Variants in UNC5B observed in about 807,000 individuals in gnomAD.
UNC5B encodes unc-5 netrin receptor B.
A neutral mutation model predicts 103.7 loss-of-function variants in UNC5B; 56 were observed. That is an observed-to-expected ratio of 0.54 (90% CI 0.44 to 0.67). The LOEUF is 0.67. UNC5B is among the 30% of genes least tolerant of loss of function. The pLI is 0.00. For synonymous variants in UNC5B, 577 were observed against 542.0 expected (o/e 1.06, Z -0.90); for missense variants, 1,194 against 1,284.5 (o/e 0.93, Z 1.08).
chr10:71,284,666 C>CCTCA, intron 2 of UNC5B, 54 bp from the exon 3 acceptor site: 3 of 1,606,632 alleles, frequency 1.9e-6, no homozygotes, highest in Non-Finnish European at 2.5e-6. Context: ...GTGTCCTGTG[C>CCTCA]CTCACATCCT....
chr10:71,287,500 G>A (rs1845119814), intron 5 of UNC5B, 98 bp from the exon 6 acceptor site: 2 of 1,448,860 alleles, frequency 1.4e-6, no homozygotes, highest in Non-Finnish European at 1.8e-6. Flanking sequence ...GGAAGGCCAG[G>A]CTTCAGCAGA....
intron 3 of UNC5B, 134 bp from the exon 4 acceptor site, chr10:71,285,192 T>C: frequency 1.0e-6 from 1 of 974,260 alleles, no homozygotes; most frequent in Non-Finnish European, 1.6e-6. Flanking sequence ...AAGAGGAAAT[T>C]TCCCAGGCAA....
chr10:71,293,583 C>T lies in UNC5B; in HGVS notation c.1941+10C>T, dbSNP rs1845324385. The T allele has an allele frequency of 1.2e-6, 2 of 1,613,524 alleles. No homozygotes were observed. Among genetic ancestry groups the T allele is most frequent in the Admixed American group, 1.7e-5 (1 of 60,000 alleles). ...CCAGGGCCACTGGGAGGTGAGGAGC[C>T]ACGGTGAAGGCTGGCCCAGCTCTCC... On this transcript the variant is annotated intron_variant, in intron 12 of 16. Coordinates refer to ENST00000335350, the MANE Select transcript of UNC5B (RefSeq NM_170744.5).
intron 1 of UNC5B, among the ~76,000 whole-genome samples, chr10:71,231,142 G>T (rs182360830): frequency 6.6e-6 from 1 of 152,292 alleles, no homozygotes; most frequent in East Asian, 1.9e-4. Context: ...GCTGTGCATC[G>T]TAAAGTCCCC....
At chr10:71,293,999 C>A in intron 13 of UNC5B, 66 bp downstream of exon 13, 1 of 1,432,910 alleles carries the variant, frequency 7.0e-7, no homozygotes, top group South Asian at 1.4e-5. Context: ...GCCAGAATCC[C>A]CCACCCCAGG....
In UNC5B at chr10:71,275,410, G is replaced by T. The variant is rs551112776; in HGVS notation, c.80-4411G>T. ...CCTGCAGAGAGGCCAGGGAGGCAGG[G>T]CTGAGAGACATGGCTCAAGCCTTGC... On this transcript the variant is annotated intron_variant, in intron 1 of 16. Transcript: ENST00000335350. 2.0e-5 allele frequency among the ~76,000 whole-genome samples: 3 copies of T among 152,238 alleles called. No homozygotes were observed. The South Asian group carries it at 6.2e-4, about 32-fold the overall frequency.
chr10:71,218,754 T>C (rs116105789), intron 1 of UNC5B, among the ~76,000 whole-genome samples: 9 of 152,350 alleles, frequency 5.9e-5, no homozygotes, highest in African/African-American at 2.2e-4. Context: ...AGATCTGCTC[T>C]CTGACCTGGG....
At chr10:71,269,350 C>G (rs1335046313) in intron 1 of UNC5B, among the ~76,000 whole-genome samples, 1 of 145,140 alleles carries the variant, frequency 6.9e-6, no homozygotes. Flanking sequence ...AAGTCCCCCC[C>G]CCACAACTTC....
At chr10:71,242,453 C>T (rs766431582) in intron 1 of UNC5B, among the ~76,000 whole-genome samples, 2 of 152,164 alleles carry the variant, frequency 1.3e-5, no homozygotes, top group Admixed American at 6.5e-5. Context: ...TGGGCAGCTT[C>T]CTCTTCATCT....
Position 71,288,604 on chromosome 10 carries a change from C to T in UNC5B, c.938C>T (p.Ala313Val). Residue 313 changes from alanine (A) to valine (V), a missense_variant, in exon 7 of 17, where the codon GCC becomes GTC. Ala to Val is a moderately conservative substitution (Grantham distance 64). Transcript: ENST00000335350. The part of the protein sequence containing the change: ...GAWTEWSKWS[A>V]CSTECAHWRS... ...TGGACGGAGTGGAGCAAGTGGTCAG[C>T]CTGCAGCACTGAGTGTGCCCACTGG... 6.2e-7 allele frequency: 1 copy of T among 1,614,022 alleles called. No individual in the cohort carries two copies. Among genetic ancestry groups the T allele is most frequent in the East Asian group, 2.2e-5 (1 of 44,884 alleles).
At chr10:71,285,978 C>T (rs1016146713) in intron 4 of UNC5B, among the ~76,000 whole-genome samples, 2 of 152,214 alleles carry the variant, frequency 1.3e-5, no homozygotes, top group Non-Finnish European at 2.9e-5. Flanking sequence ...GACTTCCAGC[C>T]TGGGATCAGC....
At chr10:71,259,588 C>A (rs898475405) in intron 1 of UNC5B, among the ~76,000 whole-genome samples, 78 of 152,174 alleles carry the variant, frequency 5.1e-4, no homozygotes, top group African/African-American at 1.8e-3. Flanking sequence ...GGACTTCAGC[C>A]TACACAAGGT....
At chr10:71,244,904 C>T (rs2132263180) in intron 1 of UNC5B, among the ~76,000 whole-genome samples, 1 of 152,354 alleles carries the variant, frequency 6.6e-6, no homozygotes, top group South Asian at 2.1e-4. Context: ...CCCCAACCCA[C>T]TTCTCAGTTC....
Position 71,285,301 on chromosome 10 carries a change from C to T in UNC5B, c.449-25C>T, listed in dbSNP as rs780232293. 7 of 1,591,998 alleles carry T rather than the reference C, an allele frequency of 4.4e-6. No homozygotes were observed. The African/African-American group carries it at 5.4e-5, about 12-fold the overall frequency. ...TCTGATCCTGCCCGCACCTGACTGC[C>T]TTGGGACCCTCTCGCTTCTCCCAGA... On this transcript the variant is annotated intron_variant, in intron 3 of 16. Transcript: ENST00000335350.
intron 1 of UNC5B, among the ~76,000 whole-genome samples, chr10:71,257,275 G>A (rs541626833): frequency 6.6e-6 from 1 of 152,220 alleles, no homozygotes; most frequent in Non-Finnish European, 1.5e-5. Context: ...GCCTCTCTCT[G>A]TGTCTTCTTA....
At position 71,300,689 on chromosome 10, in the gene UNC5B, C is replaced by T. The variant is rs925109452; in HGVS notation, c.*1412C>T. The T allele has an allele frequency of 4.6e-5, 7 of 152,246 alleles. No homozygotes were observed. The highest frequency in any genetic ancestry group is 3.2e-3 in the Middle Eastern group (1 of 316). The allele number at this position is 152,246 out of a possible 1,614,324, so 9.4% of individuals were successfully genotyped here. On this transcript the variant is annotated 3_prime_UTR_variant, in exon 17 of 17. Transcript: ENST00000335350. ...TAAAGCAGAGTGATGGCTGAGAAGT[C>T]CTCTCTAGCTGCAGAAGCCTGAGCT... is the stretch of plus-strand genomic sequence containing the variant.
At chr10:71,259,056 G>A (rs1844355224) in intron 1 of UNC5B, among the ~76,000 whole-genome samples, 1 of 152,238 alleles carries the variant, frequency 6.6e-6, no homozygotes, top group African/African-American at 2.4e-5. Flanking sequence ...TTTCCTCATG[G>A]GCAGGGTGGA....
chr10:71,281,227 A>G (rs1201929535), intron 2 of UNC5B, among the ~76,000 whole-genome samples: 1 of 152,230 alleles, frequency 6.6e-6, no homozygotes, highest in Non-Finnish European at 1.5e-5. Context: ...ATATGCTTAC[A>G]AATGGTTAAA....
At chr10:71,287,858 C>A in intron 6 of UNC5B, 93 bp downstream of exon 6, 2 of 1,481,874 alleles carry the variant, frequency 1.3e-6, no homozygotes, top group African/African-American at 1.4e-5. Context: ...CTCTCCCCAG[C>A]ATGGGGAGCA....
Sources: gnomAD v4.1 joint callset for allele counts (sites outside exome capture counted in the v4.1 genomes callset) on GRCh38, gnomAD v4.1.1 for gene constraint, MANE v1.5 for transcripts, NCBI Gene and HGNC (gene_info 2026-07-23, HGNC 2026-07-21) for gene names.